CCDC125: variants seen among roughly 807,000 people sequenced by gnomAD.
CCDC125 encodes coiled-coil domain containing 125.
A neutral mutation model predicts 57.4 loss-of-function variants in CCDC125; 43 were observed. The ratio of observed to expected loss-of-function variants is 0.75; its 90% confidence interval spans 0.59 to 0.97. CCDC125 has a LOEUF of 0.97. Ranked by LOEUF, CCDC125 falls within the 50% of genes least tolerant of loss-of-function variation. The probability of loss-of-function intolerance (pLI) is 0.00; values close to 1 mark genes in which losing one functional copy is unlikely to be tolerated. For missense variants in CCDC125, 563 were observed against 595.7 expected, an observed-to-expected ratio of 0.95 and a Z score of 0.57; for synonymous variants, 187 against 195.2, an observed-to-expected ratio of 0.96 and a Z score of 0.35.
chr5:69,312,135 C>A lies in CCDC125; in HGVS notation c.367-931G>T, dbSNP rs553953362. Among the ~76,000 whole-genome samples the A allele has an allele frequency of 2.0e-4, 30 of 152,170 alleles. 1 individual carries two copies. The highest frequency in any genetic ancestry group is 3.1e-4 in the Non-Finnish European group (21 of 68,014). ...CAGGCCCCAATCCAATGACTAGTGT[C>A]CTTATAAATTGAGGGAAATTTGGAC... On this transcript the variant is annotated intron_variant, in intron 3 of 11. Coordinates refer to ENST00000396496, the MANE Select transcript of CCDC125 (RefSeq NM_176816.5).
chr5:69,286,401 T>C (rs1381666769), intron 10 of CCDC125, among the ~76,000 whole-genome samples: 1 of 151,046 alleles, frequency 6.6e-6, no homozygotes, highest in Admixed American at 6.6e-5. Context: ...CCGGCTAATT[T>C]TTTTGTATTT....
At chr5:69,301,562 C>T (rs532837305) in intron 7 of CCDC125, among the ~76,000 whole-genome samples, 2 of 152,058 alleles carry the variant, frequency 1.3e-5, no homozygotes, top group East Asian at 1.9e-4. Flanking sequence ...TGGTGAAACC[C>T]CGTCTCTACA....
chr5:69,290,005 A>T (rs548181292), intron 10 of CCDC125, among the ~76,000 whole-genome samples: 48 of 152,222 alleles, frequency 3.2e-4, no homozygotes, highest in African/African-American at 1.1e-3. Flanking sequence ...GTTACAAAAC[A>T]TTATATTTTC....
chr5:69,275,553 T>G (rs1168929571), downstream of CCDC125, among the ~76,000 whole-genome samples: 1 of 152,194 alleles, frequency 6.6e-6, no homozygotes, highest in African/African-American at 2.4e-5. Context: ...TCTGAAATGC[T>G]CCAAAATCCA....
intron 2 of CCDC125, among the ~76,000 whole-genome samples, chr5:69,316,666 T>C (rs929071292): frequency 6.6e-6 from 1 of 152,236 alleles, no homozygotes; most frequent in Middle Eastern, 3.4e-3. Flanking sequence ...TGCACACTAC[T>C]ACACCTGCTA....
At chr5:69,276,525 T>C (rs776345726), downstream of CCDC125, 10 of 1,611,056 alleles carry the variant, frequency 6.2e-6, no homozygotes, top group Non-Finnish European at 2.5e-6. Flanking sequence ...TTACTTTTGG[T>C]ATCTTTTCTT....
rs771889626 is a variant in CCDC125 at position 69,306,843 on chromosome 5, C to T, written c.591G>A (p.Glu197=). Residue 197 remains glutamate, a synonymous_variant, in exon 6 of 12, where the codon GAG becomes GAA. Transcript: ENST00000396496. ...EFDHNRFKNI[E]ESWIQKYDRL... ...TGTCATATTTTTGGATCCAAGATTC[C>T]TCTATATTTTTAAATCTATTATGAT... 1.3e-6 allele frequency: 2 copies of T among 1,508,090 alleles called. No individual in the cohort carries two copies. Among genetic ancestry groups the T allele is most frequent in the South Asian group, 2.8e-5 (2 of 70,892 alleles). 93.4% of individuals were successfully genotyped at this position (1,508,090 alleles called of 1,614,324 possible). A position where few individuals can be genotyped will look rare whatever the true frequency, so the allele number is the denominator to read the frequency against.
chr5:69,291,634 C>G (rs11742461), intron 10 of CCDC125, among the ~76,000 whole-genome samples: 1 of 152,004 alleles, frequency 6.6e-6, no homozygotes, highest in Non-Finnish European at 1.5e-5. Context: ...GGATTACAGG[C>G]GTGAGCCACC....
chr5:69,320,455 C>A lies in CCDC125; in HGVS notation c.86G>T (p.Gly29Val). The A allele has an allele frequency of 6.2e-7, 1 of 1,613,304 alleles. No individual in the cohort carries two copies. The highest frequency in any genetic ancestry group is 8.5e-7 in the Non-Finnish European group (1 of 1,179,348). The change falls in exon 2 of 12, where the codon GGG becomes GTG. Residue 29 changes from glycine (G) to valine (V), a missense_variant. Physicochemically the swap from Gly to Val is moderately radical, Grantham distance 109. Coordinates refer to ENST00000396496, the MANE Select transcript of CCDC125 (RefSeq NM_176816.5). ...EEDDMTEGDL[G>V]YGLGRKPGGI... is the part of the protein sequence containing the mutation. ...ACCAGGTTTCCTTCCGAGGCCATACCCTAAATCACCTTCTGTCATGTCATC... is the reference window on the plus strand; with the variant it reads ...ACCAGGTTTCCTTCCGAGGCCATACACTAAATCACCTTCTGTCATGTCATC...
intron 9 of CCDC125, among the ~76,000 whole-genome samples, chr5:69,293,661 A>AAC (rs1269396309): frequency 2.0e-5 from 3 of 151,906 alleles, no homozygotes; most frequent in Admixed American, 6.6e-5. Flanking sequence ...AAAAAAAAAA[A>AAC]ACCCAAACAC....
At chr5:69,283,436 G>A (rs1319625764) in intron 11 of CCDC125, among the ~76,000 whole-genome samples, 1 of 151,838 alleles carries the variant, frequency 6.6e-6, no homozygotes, top group Non-Finnish European at 1.5e-5. Context: ...TTGCCAGGAT[G>A]GTCTGAATCT....
At chr5:69,321,897 C>T (rs531097656) in intron 1 of CCDC125, among the ~76,000 whole-genome samples, 25 of 152,034 alleles carry the variant, frequency 1.6e-4, no homozygotes, top group East Asian at 1.5e-3. Context: ...AGTGTGGTGG[C>T]GCAATCTTGA....
At chr5:69,292,056 A>T in intron 10 of CCDC125, 132 bp downstream of exon 10, 1 of 817,696 alleles carries the variant, frequency 1.2e-6, no homozygotes, top group Non-Finnish European at 1.9e-6. Flanking sequence ...CTAAGTTTTT[A>T]AGTAAACCAC....
rs1344933396 is a variant in CCDC125, at chr5:69,282,983, G to A, written c.1282C>T (p.Leu428Phe). The A allele has an allele frequency of 1.2e-6, 2 of 1,609,264 alleles. No individual in the cohort carries two copies. The highest frequency in any genetic ancestry group is 1.7e-5 in the Admixed American group (1 of 59,078). Residue 428 changes from leucine (L) to phenylalanine (F), a missense_variant, in exon 12 of 12, where the codon CTT becomes TTT. Coordinates refer to ENST00000396496, the MANE Select transcript of CCDC125 (RefSeq NM_176816.5). Reference protein sequence around the residue: ...LAHQRKVSYMLARALEDKDTA... With the variant: ...LAHQRKVSYMFARALEDKDTA... ...TCTTTGTCTTCCAATGCCCGAGCAA[G>A]CATGTAGCTAACTTTTCTTTGATGA...
chr5:69,312,455 C>T (rs954266091), intron 3 of CCDC125, among the ~76,000 whole-genome samples: 1 of 152,174 alleles, frequency 6.6e-6, no homozygotes, highest in African/African-American at 2.4e-5. Context: ...GTAAGGTGGG[C>T]TTCCTATTTC....
At chr5:69,311,059 C>T (rs1758050226) in intron 4 of CCDC125, 59 bp downstream of exon 4, 1 of 1,186,026 alleles carries the variant, frequency 8.4e-7, no homozygotes, top group South Asian at 1.3e-5. Context: ...AAAGTTAAAA[C>T]CATACCAACA....
chr5:69,278,138 TC>T (rs1752296423), downstream of CCDC125, among the ~76,000 whole-genome samples: 1 of 152,016 alleles, frequency 6.6e-6, no homozygotes, highest in African/African-American at 2.4e-5. Flanking sequence ...CACCTCGGCT[TC>T]CCAAAGTGCT....
intron 9 of CCDC125, among the ~76,000 whole-genome samples, chr5:69,293,248 C>G (rs545180275): frequency 6.6e-6 from 1 of 152,310 alleles, no homozygotes; most frequent in South Asian, 2.1e-4. Context: ...AAGTGATTCT[C>G]CCACCTCAGC....
intron 3 of CCDC125, among the ~76,000 whole-genome samples, chr5:69,313,077 T>C (rs1758420792): frequency 6.6e-6 from 1 of 151,844 alleles, no homozygotes; most frequent in African/African-American, 2.4e-5. Flanking sequence ...GGGGTGTTGT[T>C]AAAGAAAATA....
Sources: gnomAD v4.1 joint callset for allele counts (sites outside exome capture counted in the v4.1 genomes callset) on GRCh38, gnomAD v4.1.1 for gene constraint, MANE v1.5 for transcripts, NCBI Gene and HGNC (gene_info 2026-07-23, HGNC 2026-07-21) for gene names.